The following TGFBR1 variants were observed in gnomAD, a reference collection of about 807,000 sequenced individuals.
TGFBR1 encodes TGF-beta receptor type-1.
A neutral mutation model predicts 55.1 loss-of-function variants in TGFBR1; 20 were observed. That is an observed-to-expected ratio of 0.36 (90% CI 0.26 to 0.53). The LOEUF is 0.53. Ranked by LOEUF, TGFBR1 falls within the 20% of genes least tolerant of loss-of-function variation. TGFBR1 has a pLI of 0.91. For missense variants in TGFBR1, 385 were observed against 617.6 expected, an observed-to-expected ratio of 0.62 and a Z score of 3.99; for synonymous variants, 220 against 214.8, an observed-to-expected ratio of 1.02 and a Z score of -0.21.
At chr9:99,120,121 A>C (rs188725886) in intron 1 of TGFBR1, among the ~76,000 whole-genome samples, 1 of 152,340 alleles carries the variant, frequency 6.6e-6, no homozygotes, top group East Asian at 1.9e-4. Context: ...AGTATGTTAT[A>C]AATTTAGGAA....
chr9:99,150,545 G>A lies in TGFBR1; in HGVS notation c.*1240G>A, dbSNP rs200689459. ...TGTGCAAGAAAGTCACATTTGTTAT[G>A]TATGTAGGAGTAAACGTTCGGTGGA... is the stretch of plus-strand genomic sequence containing the variant. On this transcript the variant is annotated 3_prime_UTR_variant, in exon 9 of 9. Transcript: ENST00000374994. The A allele has an allele frequency of 3.0e-4, 65 of 215,300 alleles. No individual in the cohort carries two copies. The highest frequency in any genetic ancestry group is 5.1e-4 in the Non-Finnish European group (54 of 106,524). The allele number at this position is 215,300 out of a possible 1,614,324, so 13.3% of individuals were successfully genotyped here.
At chr9:99,128,485 A>G (rs963067251) in intron 1 of TGFBR1, among the ~76,000 whole-genome samples, 1 of 151,716 alleles carries the variant, frequency 6.6e-6, no homozygotes, top group Non-Finnish European at 1.5e-5. Flanking sequence ...TAAAAAAAAA[A>G]AAAAAAAAAA....
chr9:99,110,361 T>C (rs1172694016), intron 1 of TGFBR1, among the ~76,000 whole-genome samples: 1 of 152,234 alleles, frequency 6.6e-6, no homozygotes, highest in Non-Finnish European at 1.5e-5. Context: ...TCTTTTTTTT[T>C]CTTTGACCAT....
intron 5 of TGFBR1, among the ~76,000 whole-genome samples, chr9:99,143,046 G>C (rs780129931): frequency 2.3e-4 from 35 of 152,054 alleles, no homozygotes; most frequent in Non-Finnish European, 1.5e-4. Context: ...GTAATAGAGA[G>C]AGACCCTGTC....
Position 99,149,593 on chromosome 9 carries a change from TCTTAA to T in TGFBR1, c.*292_*296del, listed in dbSNP as rs1295971067. ...TGTTTTTTAAAAAGATGATTGCTGGTCTTAACTTTAGGTAACTCTGCTGTGCTGGA... is the reference window on the plus strand; with the variant it reads ...TGTTTTTTAAAAAGATGATTGCTGGTCTTTAGGTAACTCTGCTGTGCTGGA... On this transcript the variant is annotated 3_prime_UTR_variant, in exon 9 of 9. Transcript: ENST00000374994. 4 of 422,086 alleles carry T rather than the reference TCTTAA, an allele frequency of 9.5e-6. No homozygotes were observed. Among genetic ancestry groups the T allele is most frequent in the South Asian group, 4.9e-5 (2 of 40,748 alleles). 26.1% of individuals were successfully genotyped at this position (422,086 alleles called of 1,614,324 possible). A position where few individuals can be genotyped will look rare whatever the true frequency, so the allele number is the denominator to read the frequency against.
chr9:99,126,076 A>G (rs549394810), intron 1 of TGFBR1, among the ~76,000 whole-genome samples: 1 of 152,346 alleles, frequency 6.6e-6, no homozygotes, highest in Non-Finnish European at 1.5e-5. Context: ...AGAGCACATA[A>G]TGGCAAAGAT....
intron 3 of TGFBR1, among the ~76,000 whole-genome samples, chr9:99,134,589 G>C (rs1215810595): frequency 1.3e-5 from 2 of 151,778 alleles, no homozygotes; most frequent in African/African-American, 2.4e-5. Context: ...GATGGCTACA[G>C]ATATTTGGAA....
Position 99,153,685 on chromosome 9 carries a change from T to C in TGFBR1, c.*4380T>C, listed in dbSNP as rs577095630. Reference sequence around the variant, plus strand: ...CATATTTTAAAATAAAGTGTATACGTTGGAATGAGTCATGCCATATGTAGT... The same window carrying C: ...CATATTTTAAAATAAAGTGTATACGCTGGAATGAGTCATGCCATATGTAGT... On this transcript the variant is annotated 3_prime_UTR_variant, in exon 9 of 9. Transcript: ENST00000374994. The C allele has an allele frequency of 1.5e-5, 3 of 199,218 alleles. No homozygotes were observed. The East Asian group carries it at 2.3e-4, about 15-fold the overall frequency. The allele number at this position is 199,218 out of a possible 1,614,324, so 12.3% of individuals were successfully genotyped here.
rs387906697 is a variant in TGFBR1 at position 99,146,594 on chromosome 9, C to T, written c.1240C>T (p.Arg414Ter). 2 of 1,613,852 alleles carry T rather than the reference C, an allele frequency of 1.2e-6. No homozygotes were observed. Among genetic ancestry groups the T allele is most frequent in the Non-Finnish European group, 1.7e-6 (2 of 1,179,860 alleles). Residue 414 changes from arginine (R) to a stop codon, truncating the protein, a stop_gained, in exon 7 of 9, where the codon CGA (arginine) becomes TGA (stop). Coordinates refer to ENST00000374994, the MANE Select transcript of TGFBR1 (RefSeq NM_004612.4). LOFTEE classifies it high-confidence loss of function. ...MGLVFWEIAR[R>*]CSIGGIHEDY... ...CTTAGTATTCTGGGAAATTGCTCGACGATGTTCCATTGGTGGTAAATTGCT... is the reference window on the plus strand; with the variant it reads ...CTTAGTATTCTGGGAAATTGCTCGATGATGTTCCATTGGTGGTAAATTGCT...
At chr9:99,134,736 A>C (rs1036584970) in intron 3 of TGFBR1, among the ~76,000 whole-genome samples, 1 of 147,818 alleles carries the variant, frequency 6.8e-6, no homozygotes, top group Admixed American at 6.8e-5. Context: ...TGATTACTGG[A>C]TAAGAATATC....
chr9:99,146,361 C>CT, intron 6 of TGFBR1, 124 bp from the exon 7 acceptor site: 1 of 1,155,620 alleles, frequency 8.7e-7, no homozygotes, highest in Non-Finnish European at 1.3e-6. Flanking sequence ...TTTCTTGAGT[C>CT]TAATATTTGT....
At chr9:99,104,940 G>GA, upstream of TGFBR1, 1 of 177,632 alleles carries the variant, frequency 5.6e-6, no homozygotes. Flanking sequence ...GGCGTGGCCA[G>GA]AAACCGGCGC....
At chr9:99,104,685 G>A (rs1011478188), upstream of TGFBR1, among the ~76,000 whole-genome samples, 2 of 152,222 alleles carry the variant, frequency 1.3e-5, no homozygotes, top group African/African-American at 4.8e-5. Flanking sequence ...ATGGGGTCAG[G>A]GTGGGGCTGA....
upstream of TGFBR1, among the ~76,000 whole-genome samples, chr9:99,103,835 C>G (rs539351724): frequency 1.3e-5 from 2 of 152,304 alleles, no homozygotes; most frequent in Non-Finnish European, 2.9e-5. Flanking sequence ...CGGAAGGAAG[C>G]CTTCACAGGT....
intron 7 of TGFBR1, 119 bp downstream of exon 7, chr9:99,146,728 G>A (rs1420313552): frequency 1.5e-5 from 23 of 1,486,952 alleles, no homozygotes; most frequent in East Asian, 2.3e-5. Flanking sequence ...GGATGTCACC[G>A]AGTGCCAGAG....
chr9:99,141,660 G>A (rs1827619732), intron 4 of TGFBR1, among the ~76,000 whole-genome samples: 1 of 152,140 alleles, frequency 6.6e-6, no homozygotes, highest in Admixed American at 6.6e-5. Flanking sequence ...ACTGGATTGT[G>A]CTGTCTCCTA....
chr9:99,136,451 C>G (rs952345334), intron 3 of TGFBR1, among the ~76,000 whole-genome samples: 1 of 152,134 alleles, frequency 6.6e-6, no homozygotes, highest in Non-Finnish European at 1.5e-5. Flanking sequence ...ACTTTTAAGT[C>G]TGTGGTGTGG....
At chr9:99,105,614 T>G (rs1356355176) in intron 1 of TGFBR1, among the ~76,000 whole-genome samples, 1 of 151,436 alleles carries the variant, frequency 6.6e-6, no homozygotes, top group Non-Finnish European at 1.5e-5. Flanking sequence ...GGCTGCCCTC[T>G]GGGGTGTGAG....
rs1213995588 is a variant in TGFBR1 at position 99,105,365 on chromosome 9, C to A, written c.97+63C>A. On this transcript the variant is annotated intron_variant, in intron 1 of 8. Transcript: ENST00000374994. ...CGCGGGCCGGACCCGGCCTCTGGCTCGCTCCTGCTCTTTCTCAAACATGGC... is the reference window on the plus strand; with the variant it reads ...CGCGGGCCGGACCCGGCCTCTGGCTAGCTCCTGCTCTTTCTCAAACATGGC... The A allele has an allele frequency of 6.1e-6, 6 of 976,390 alleles. No homozygotes were observed. In the East Asian group the frequency reaches 4.6e-4, roughly 75 times the overall value. 60.5% of individuals were successfully genotyped at this position (976,390 alleles called of 1,614,324 possible). A position where few individuals can be genotyped will look rare whatever the true frequency, so the allele number is the denominator to read the frequency against.
Sources: gnomAD v4.1 joint callset for allele counts (sites outside exome capture counted in the v4.1 genomes callset) on GRCh38, gnomAD v4.1.1 for gene constraint, MANE v1.5 for transcripts, NCBI Gene and HGNC (gene_info 2026-07-23, HGNC 2026-07-21) for gene names.